Variants in NOL4 observed in about 807,000 individuals in gnomAD.
The protein encoded by NOL4 is nucleolar protein 4, also known as cancer/testis antigen 125.
Under a neutral mutation model 75.9 loss-of-function variants are expected in NOL4, and 17 were observed. That is an observed-to-expected ratio of 0.22 (90% CI 0.15 to 0.34). NOL4 has a LOEUF of 0.34. Ranked by LOEUF, NOL4 falls within the 10% of genes least tolerant of loss-of-function variation. NOL4 has a pLI of 1.00. For synonymous variants in NOL4, 292 were observed against 289.9 expected (o/e 1.01, Z -0.07); for missense variants, 614 against 793.5 (o/e 0.77, Z 2.72).
At chr18:33,979,821 T>C (rs1410958057) in intron 6 of NOL4, among the ~76,000 whole-genome samples, 2 of 152,054 alleles carry the variant, frequency 1.3e-5, no homozygotes, top group Non-Finnish European at 2.9e-5. Context: ...TCAGAGCCAT[T>C]TGAATTTTAG....
At chr18:34,029,192 C>A (rs1211966569) in intron 5 of NOL4, among the ~76,000 whole-genome samples, 1 of 152,082 alleles carries the variant, frequency 6.6e-6, no homozygotes, top group African/African-American at 2.4e-5. Flanking sequence ...CTGGTTTAGA[C>A]AATAAACTAT....
chr18:33,935,681 G>A (rs2068011859), intron 9 of NOL4, among the ~76,000 whole-genome samples: 1 of 152,104 alleles, frequency 6.6e-6, no homozygotes, highest in African/African-American at 2.4e-5. Context: ...TGACAGACTT[G>A]CTCACAAGAT....
intron 1 of NOL4, chr18:34,221,909 G>C: frequency 2.4e-6 from 2 of 822,768 alleles, no homozygotes; most frequent in Non-Finnish European, 1.9e-6. Flanking sequence ...GGAAACAGTT[G>C]CCAGTACAGG....
intron 9 of NOL4, among the ~76,000 whole-genome samples, chr18:33,906,653 T>C (rs1376126379): frequency 1.3e-5 from 2 of 152,226 alleles, no homozygotes; most frequent in Admixed American, 1.3e-4. Context: ...ATCTTTAATA[T>C]ATGTATCTGT....
chr18:33,955,725 T>C (rs2069593406), intron 8 of NOL4, among the ~76,000 whole-genome samples: 1 of 152,112 alleles, frequency 6.6e-6, no homozygotes, highest in African/African-American at 2.4e-5. Context: ...TGAAATCAGA[T>C]TTTCTGTCAT....
intron 9 of NOL4, among the ~76,000 whole-genome samples, chr18:33,918,767 T>C (rs1599864789): frequency 6.6e-6 from 1 of 152,210 alleles, no homozygotes; most frequent in African/African-American, 2.4e-5. Flanking sequence ...TCAAAAATCC[T>C]GTCAAACTCA....
chr18:34,046,017 A>G (rs889373609), intron 5 of NOL4, among the ~76,000 whole-genome samples: 2 of 152,082 alleles, frequency 1.3e-5, no homozygotes, highest in South Asian at 4.1e-4. Context: ...TTAATGTTTC[A>G]TGTGTTTGTT....
rs191572259 is a variant in NOL4, at chr18:34,197,555, A to G, written c.264+25435T>C. Among the ~76,000 whole-genome samples the G allele has an allele frequency of 2.3e-3, 357 of 152,146 alleles. 2 individuals carry two copies. The highest frequency in any genetic ancestry group is 8.3e-3 in the African/African-American group (346 of 41,558). On this transcript the variant is annotated intron_variant, in intron 1 of 10. Coordinates refer to ENST00000261592, the MANE Select transcript of NOL4 (RefSeq NM_003787.5). ...GTTCCAGTGGAGTTTATCTCATGGG[A>G]ATTACAGGATTTAATCAAATAATCA...
intron 5 of NOL4, among the ~76,000 whole-genome samples, chr18:34,028,672 C>A (rs373009169): frequency 6.6e-6 from 1 of 152,192 alleles, no homozygotes; most frequent in Admixed American, 6.5e-5. Flanking sequence ...ACATCAAAAC[C>A]ACCAGTGAAT....
chr18:33,928,706 G>A (rs2067493855), intron 9 of NOL4, among the ~76,000 whole-genome samples: 1 of 152,056 alleles, frequency 6.6e-6, no homozygotes, highest in Non-Finnish European at 1.5e-5. Flanking sequence ...TTTAAAAAAT[G>A]CATTGTTTGA....
intron 1 of NOL4, among the ~76,000 whole-genome samples, chr18:34,203,034 C>T (rs2035845374): frequency 6.6e-6 from 1 of 151,896 alleles, no homozygotes; most frequent in South Asian, 2.1e-4. Context: ...GAAATCAGAC[C>T]AGCTATCCTT....
intron 10 of NOL4, among the ~76,000 whole-genome samples, chr18:33,856,274 T>C (rs1409285254): frequency 6.6e-6 from 1 of 152,054 alleles, no homozygotes; most frequent in Non-Finnish European, 1.5e-5. Context: ...CTAGTTATGG[T>C]TAAAACAAAA....
intron 5 of NOL4, among the ~76,000 whole-genome samples, chr18:34,088,017 T>C (rs370582433): frequency 2.0e-5 from 3 of 151,862 alleles, no homozygotes; most frequent in Non-Finnish European, 4.4e-5. Context: ...CAAATATATA[T>C]ATATAAATTG....
At chr18:34,060,349 G>C (rs1276595047) in intron 5 of NOL4, among the ~76,000 whole-genome samples, 1 of 152,052 alleles carries the variant, frequency 6.6e-6, no homozygotes, top group East Asian at 1.9e-4. Context: ...TTTTGAACTA[G>C]TTTTTAATGA....
In NOL4 at chr18:34,223,239, G is replaced by A. The variant is rs2037446119; in HGVS notation, c.15C>T (p.Arg5=). The change falls in exon 1 of 11, where the codon CGC becomes CGT. Residue 5 remains arginine, a synonymous_variant. Coordinates refer to ENST00000261592, the MANE Select transcript of NOL4 (RefSeq NM_003787.5). ...AGTCCTGGAACTGGCGGTACATGTC[G>A]CGCTCGCTCTCCATGTTCCCCGCGC... MESE[R]DMYRQFQDWC... The A allele has an allele frequency of 6.2e-7, 1 of 1,613,788 alleles. No homozygotes were observed. The highest frequency in any genetic ancestry group is 1.3e-5 in the African/African-American group (1 of 75,054).
At chr18:33,872,097 A>G (rs1271786622) in intron 10 of NOL4, among the ~76,000 whole-genome samples, 1 of 152,044 alleles carries the variant, frequency 6.6e-6, no homozygotes, top group African/African-American at 2.4e-5. Context: ...CACAATATCA[A>G]TTAAATTATA....
intron 1 of NOL4, among the ~76,000 whole-genome samples, chr18:34,185,251 A>G (rs1025405353): frequency 1.3e-5 from 2 of 152,156 alleles, no homozygotes; most frequent in African/African-American, 2.4e-5. Flanking sequence ...AATTTCACGG[A>G]TTCTGGCAGA....
chr18:34,096,745 C>T (rs2078804357), intron 4 of NOL4, among the ~76,000 whole-genome samples: 1 of 152,096 alleles, frequency 6.6e-6, no homozygotes, highest in Non-Finnish European at 1.5e-5. Context: ...AATTCTGCCT[C>T]CTTGAAACTT....
intron 5 of NOL4, among the ~76,000 whole-genome samples, chr18:34,050,723 C>T (rs1306516370): frequency 6.6e-6 from 1 of 151,956 alleles, no homozygotes; most frequent in Non-Finnish European, 1.5e-5. Flanking sequence ...TTCAGCAGAT[C>T]TGGTAAATTA....
Sources: allele counts gnomAD v4.1 joint callset (sites outside exome capture counted in the v4.1 genomes callset), GRCh38; gene constraint gnomAD v4.1.1; transcripts MANE v1.5; gene names NCBI Gene and HGNC (gene_info 2026-07-23, HGNC 2026-07-21).